The following PRKCA variants were observed in gnomAD, a reference collection of about 807,000 sequenced individuals.
PRKCA encodes protein kinase C alpha, also known as protein kinase C alpha type.
In PRKCA, 27 loss-of-function variants were observed where a neutral mutation model predicts 87.0. The observed-to-expected ratio is 0.31, with a 90% CI of 0.23 to 0.43. PRKCA has a LOEUF of 0.43. Ranked by LOEUF, PRKCA falls within the 20% of genes least tolerant of loss-of-function variation. The pLI is 1.00. For missense variants in PRKCA, 518 were observed against 852.3 expected (o/e 0.61, Z 4.88); for synonymous variants, 329 against 311.1 (o/e 1.06, Z -0.61).
intron 2 of PRKCA, among the ~76,000 whole-genome samples, chr17:66,392,041 T>C (rs1282448397): frequency 6.6e-6 from 1 of 152,090 alleles, no homozygotes; most frequent in Non-Finnish European, 1.5e-5. Context: ...CCATCCTGGC[T>C]GACACGGTGA....
At chr17:66,410,094 T>G (rs1911685691) in intron 2 of PRKCA, among the ~76,000 whole-genome samples, 1 of 152,186 alleles carries the variant, frequency 6.6e-6, no homozygotes, top group Admixed American at 6.5e-5. Context: ...GGAGTGAAGG[T>G]GAGGACTGGT....
chr17:66,524,710 CACAG>C (rs1967285608), intron 3 of PRKCA, among the ~76,000 whole-genome samples: 1 of 152,174 alleles, frequency 6.6e-6, no homozygotes, highest in African/African-American at 2.4e-5. Context: ...TCTCTGTGCT[CACAG>C]AGCTTAGGTT....
intron 3 of PRKCA, among the ~76,000 whole-genome samples, chr17:66,545,298 G>A (rs563543493): frequency 5.9e-5 from 9 of 152,110 alleles, no homozygotes; most frequent in South Asian, 4.2e-4. Context: ...GCGTGGTGGC[G>A]GGTGCCTGTA....
chr17:66,568,991 A>G (rs140134792), intron 3 of PRKCA, among the ~76,000 whole-genome samples: 72 of 152,304 alleles, frequency 4.7e-4, no homozygotes, highest in African/African-American at 1.7e-3. Context: ...GGATATCTAT[A>G]TTTTAAAAAC....
intron 3 of PRKCA, among the ~76,000 whole-genome samples, chr17:66,554,339 G>A (rs796964807): frequency 6.6e-6 from 1 of 152,178 alleles, no homozygotes; most frequent in South Asian, 2.1e-4. Context: ...GTGGAGCCAT[G>A]GAGCCCAGGC....
chr17:66,409,005 T>A (rs1472895390), intron 2 of PRKCA, among the ~76,000 whole-genome samples: 2 of 116,884 alleles, frequency 1.7e-5, no homozygotes. Context: ...TGAGCTGAGA[T>A]CACGTCATCG....
chr17:66,688,822 A>T, intron 7 of PRKCA, 129 bp from the exon 8 acceptor site: 1 of 663,964 alleles, frequency 1.5e-6, no homozygotes, highest in South Asian at 1.8e-5. Flanking sequence ...AATGTAAAAA[A>T]AGTCAAATGT....
Position 66,534,919 on chromosome 17 carries a change from C to A in PRKCA, c.288+38636C>A, listed in dbSNP as rs193033087. Among the ~76,000 whole-genome samples, 171 of 152,232 alleles carry A rather than the reference C, an allele frequency of 1.1e-3. 1 individual carries two copies. Among genetic ancestry groups the A allele is most frequent in the African/African-American group, 3.7e-3 (155 of 41,530 alleles). On this transcript the variant is annotated intron_variant, in intron 3 of 16. Transcript: ENST00000413366. Reference sequence around the variant, plus strand: ...GAGATTTCTGATTGGAATATATTTCCATTTCAATGGGATTAGAGTATAAAG... The same window carrying A: ...GAGATTTCTGATTGGAATATATTTCAATTTCAATGGGATTAGAGTATAAAG...
intron 3 of PRKCA, among the ~76,000 whole-genome samples, chr17:66,576,937 C>T (rs966004763): frequency 1.4e-5 from 2 of 146,722 alleles, no homozygotes; most frequent in Admixed American, 6.9e-5. Flanking sequence ...TCCAGTGGTG[C>T]GATCTTGGCT....
At chr17:66,549,008 T>C (rs1276676331) in intron 3 of PRKCA, among the ~76,000 whole-genome samples, 1 of 152,024 alleles carries the variant, frequency 6.6e-6, no homozygotes, top group Non-Finnish European at 1.5e-5. Flanking sequence ...GGTTTTGCCA[T>C]GTTGACAGGC....
intron 2 of PRKCA, among the ~76,000 whole-genome samples, chr17:66,472,809 T>A (rs866992760): frequency 6.6e-6 from 1 of 152,104 alleles, no homozygotes; most frequent in Middle Eastern, 3.2e-3. Context: ...TGACTATAGG[T>A]CATTTTTCCA....
At chr17:66,685,397 G>A (rs1460416089) in intron 5 of PRKCA, among the ~76,000 whole-genome samples, 2 of 152,126 alleles carry the variant, frequency 1.3e-5, no homozygotes, top group Admixed American at 6.5e-5. Context: ...TGTTTTATTT[G>A]TGTGCTATCT....
At chr17:66,546,391 A>C (rs1968145298) in intron 3 of PRKCA, among the ~76,000 whole-genome samples, 1 of 152,232 alleles carries the variant, frequency 6.6e-6, no homozygotes, top group Non-Finnish European at 1.5e-5. Flanking sequence ...ATGTATTCAT[A>C]CACAGTTCTG....
At chr17:66,722,258 G>A (rs1278803388) in intron 8 of PRKCA, among the ~76,000 whole-genome samples, 2 of 152,152 alleles carry the variant, frequency 1.3e-5, no homozygotes, top group African/African-American at 2.4e-5. Context: ...GTTAAGGTGG[G>A]TTAGACTGTC....
chr17:66,622,144 G>A (rs909927814), intron 3 of PRKCA, among the ~76,000 whole-genome samples: 14 of 152,148 alleles, frequency 9.2e-5, no homozygotes, highest in Admixed American at 1.3e-4. Flanking sequence ...AGTTGTAATC[G>A]TACCACTGCA....
At chr17:66,352,624 C>T (rs148491941) in intron 2 of PRKCA, among the ~76,000 whole-genome samples, 2,351 of 118,474 alleles carry the variant, frequency 0.02, 27 homozygotes, top group Middle Eastern at 0.062. Flanking sequence ...AGTGCAGTGG[C>T]GCAATCTCAG....
chr17:66,373,663 T>C (rs1345220902), intron 2 of PRKCA, among the ~76,000 whole-genome samples: 1 of 152,220 alleles, frequency 6.6e-6, no homozygotes, highest in East Asian at 1.9e-4. Context: ...GTTGGTTAAT[T>C]TTGGTATTGC....
chr17:66,769,837 T>C (rs978398646), intron 13 of PRKCA, among the ~76,000 whole-genome samples: 3 of 152,256 alleles, frequency 2.0e-5, no homozygotes, highest in African/African-American at 7.2e-5. Context: ...TCAAGTCTTT[T>C]TTAAAATGAT....
chr17:66,706,213 C>T (rs1472733726), intron 8 of PRKCA, among the ~76,000 whole-genome samples: 1 of 152,200 alleles, frequency 6.6e-6, no homozygotes, highest in Non-Finnish European at 1.5e-5. Context: ...CAAATTCAGT[C>T]TCCTGTGGTC....
Sources: allele counts gnomAD v4.1 joint callset (sites outside exome capture counted in the v4.1 genomes callset), GRCh38; gene constraint gnomAD v4.1.1; transcripts MANE v1.5; gene names NCBI Gene and HGNC (gene_info 2026-07-23, HGNC 2026-07-21).